The following CAGE1 variants were observed in gnomAD, a reference collection of about 807,000 sequenced individuals.
CAGE1 encodes cancer-associated gene 1 protein.
CAGE1 carries 66 observed loss-of-function variants against 94.9 expected under a neutral mutation model. The ratio of observed to expected loss-of-function variants is 0.70; its 90% CI spans 0.57 to 0.85. The LOEUF is 0.85. Ranked by LOEUF, CAGE1 falls within the 40% of genes least tolerant of loss-of-function variation. The pLI is 0.00. For synonymous variants in CAGE1, 319 were observed against 321.0 expected (o/e 0.99, Z 0.07); for missense variants, 865 against 950.4 (o/e 0.91, Z 1.18).
rs1759105977 is a variant in CAGE1 at position 7,339,981 on chromosome 6, TA to T, written c.2370-5892del. On this transcript the variant is annotated intron_variant, in intron 11 of 13. Coordinates refer to ENST00000502583, the MANE Select transcript of CAGE1 (RefSeq NM_001170692.2). This position sits in a 1 kb window ranked among gnomAD's most constrained non-coding sequence, Gnocchi z 4.7. ...AATGGTAGTTCTACTTTTAGTTCTT[TA>T]AAGACTTTCCACACTGTTTTCCACA... 6.6e-6 allele frequency among the ~76,000 whole-genome samples: 1 copy of T among 152,258 alleles called. No individual in the cohort carries two copies. The highest frequency in any genetic ancestry group is 2.1e-4 in the South Asian group (1 of 4,834).
Position 7,373,321 on chromosome 6 carries a change from C to T in CAGE1, c.1498G>A (p.Glu500Lys). ...CTAGATTTCAGTTTCTGTCTTTCTTCCAGGTTTTCCTTTTCAAGTTTCTGG... is the reference window on the plus strand; with the variant it reads ...CTAGATTTCAGTTTCTGTCTTTCTTTCAGGTTTTCCTTTTCAAGTTTCTGG... ...EFQKLEKENL[E>K]ERQKLKSRLE... Residue 500 changes from glutamate to lysine, a missense_variant, in exon 5 of 14, where the codon GAA becomes AAA. By Grantham distance (56) the Glu-to-Lys change is moderately conservative. Transcript: ENST00000502583. The T allele has an allele frequency of 6.2e-7, 1 of 1,609,410 alleles. No individual in the cohort carries two copies. The highest frequency in any genetic ancestry group is 1.1e-5 in the South Asian group (1 of 90,044).
At chr6:7,384,926 G>A (rs991102223) in intron 3 of CAGE1, among the ~76,000 whole-genome samples, 1 of 152,102 alleles carries the variant, frequency 6.6e-6, no homozygotes, top group Admixed American at 6.5e-5. Context: ...TCAAACTAGT[G>A]GACTCAAGCA....
chr6:7,331,192 A>C, intron 12 of CAGE1: 1 of 310,522 alleles, frequency 3.2e-6, no homozygotes, highest in Admixed American at 4.1e-5. Flanking sequence ...GTACATTTCC[A>C]TGACACCAAC....
intron 4 of CAGE1, among the ~76,000 whole-genome samples, chr6:7,376,214 CCT>C (rs1760737321): frequency 1.3e-5 from 2 of 151,644 alleles, no homozygotes; most frequent in Non-Finnish European, 2.9e-5. Flanking sequence ...ACTGTGAAAC[CCT>C]GTCTCTACTA....
At chr6:7,329,735 G>A (rs1389816306) in intron 13 of CAGE1, 114 bp downstream of exon 13, 5 of 587,494 alleles carry the variant, frequency 8.5e-6, no homozygotes, top group Non-Finnish European at 1.6e-5. Flanking sequence ...CAGAGGGGAA[G>A]GCTAGGTTGC....
chr6:7,341,706 A>G (rs1438917409), intron 11 of CAGE1: 4 of 706,170 alleles, frequency 5.7e-6, no homozygotes, highest in South Asian at 1.4e-5. Flanking sequence ...AGTCAAAGCC[A>G]CTATAGAAGG....
intron 4 of CAGE1, among the ~76,000 whole-genome samples, chr6:7,374,694 T>C (rs762742001): frequency 2.0e-5 from 3 of 152,182 alleles, no homozygotes; most frequent in Non-Finnish European, 4.4e-5. Context: ...ACATGCCTCA[T>C]GATTGACTTT....
chr6:7,334,025 G>A lies in CAGE1; in HGVS notation c.2435C>T (p.Pro812Leu), dbSNP rs199899916. The change falls in exon 12 of 14, where the codon CCA becomes CTA. Residue 812 changes from proline (P) to leucine (L), a missense_variant. Coordinates refer to ENST00000502583, the MANE Select transcript of CAGE1 (RefSeq NM_001170692.2). ...IRKPREKARK[P>L]RSKSLENHPK... ...TTAAAAATAAAGGGAAACTTACCTT[G>A]GTTTTCTGGCTTTTTCTCTGGGCTT... 2.6e-6 allele frequency: 4 copies of A among 1,518,974 alleles called. No individual in the cohort carries two copies. In the African/African-American group the frequency reaches 5.5e-5, roughly 21 times the overall value. The allele number at this position is 1,518,974 out of a possible 1,614,324, so 94.1% of individuals were successfully genotyped here.
At chr6:7,333,638 C>CTATATATATATATA (rs1257307194) in intron 12 of CAGE1, among the ~76,000 whole-genome samples, 6 of 32,686 alleles carry the variant, frequency 1.8e-4, no homozygotes, top group Non-Finnish European at 3.0e-4. Context: ...ATCTATCTAA[C>CTATATATATATATA]TATCTATATA....
intron 11 of CAGE1, among the ~76,000 whole-genome samples, chr6:7,345,128 C>T (rs978589524): frequency 7.2e-5 from 3 of 41,566 alleles, no homozygotes; most frequent in Admixed American, 2.7e-4. Flanking sequence ...TCTTTAGATC[C>T]ATATTGCTTT....
chr6:7,343,922 C>T (rs1185412506), intron 11 of CAGE1, among the ~76,000 whole-genome samples: 1 of 152,074 alleles, frequency 6.6e-6, no homozygotes, highest in Non-Finnish European at 1.5e-5. Flanking sequence ...CTCCTTCCTA[C>T]AAAGGAAGAA....
At position 7,389,191 on chromosome 6, in the gene CAGE1, A is replaced by T. The variant is rs1225546907; in HGVS notation, c.-24+11T>A. On this transcript the variant is annotated intron_variant, in intron 1 of 13. Transcript: ENST00000502583. ...GTTTAAAAGCTTTTTCAGTTGTAAG[A>T]CAAACTTTACCTTTTTAAAAAGCAC... 9 of 447,996 alleles carry T rather than the reference A, an allele frequency of 2.0e-5. No individual in the cohort carries two copies. Among genetic ancestry groups the T allele is most frequent in the Non-Finnish European group, 4.0e-5 (9 of 222,456 alleles). The allele number at this position is 447,996 out of a possible 1,614,324, so 27.8% of individuals were successfully genotyped here.
chr6:7,342,311 G>A (rs927501020), intron 11 of CAGE1, among the ~76,000 whole-genome samples: 1 of 152,242 alleles, frequency 6.6e-6, no homozygotes, highest in Non-Finnish European at 1.5e-5. Context: ...AGGGCTTCAT[G>A]CTCACGGATG....
At chr6:7,353,696 TACACACACAC>T (rs59990182) in intron 11 of CAGE1, among the ~76,000 whole-genome samples, 3,527 of 139,574 alleles carry the variant, frequency 0.025, 83 homozygotes, top group African/African-American at 0.063. Context: ...TATATATATG[TACACACACAC>T]ACACACACAC....
At chr6:7,356,395 C>T (rs567671556) in intron 9 of CAGE1, among the ~76,000 whole-genome samples, 3 of 152,288 alleles carry the variant, frequency 2.0e-5, no homozygotes, top group Admixed American at 1.3e-4. Flanking sequence ...CCTATTGGTA[C>T]ATACAAATAT....
In CAGE1 at chr6:7,358,027, GATATATATATATATATATATATATATAT is replaced by G. The variant is rs55850429; in HGVS notation, c.2194-1926_2194-1899del. Among the ~76,000 whole-genome samples, 44 of 48,084 alleles carry G rather than the reference GATATATATATATATATATATATATATAT, an allele frequency of 9.2e-4. 4 individuals carry two copies. The East Asian group carries it at 0.015, about 17-fold the overall frequency. The allele number at this position is 48,084 out of a possible 152,430, so 31.5% of individuals were successfully genotyped here. On this transcript the variant is annotated intron_variant, in intron 9 of 13. Transcript: ENST00000502583. The stretch of plus-strand genomic sequence containing the variant: ...CAGACTGCGGTTAGGTAAGTTTTGA[GATATATATATATATATATATATATATAT>G]ATATATATATATATATGCCTCCAAA...
chr6:7,380,081 A>G (rs1156586069), intron 3 of CAGE1, among the ~76,000 whole-genome samples: 7 of 152,346 alleles, frequency 4.6e-5, no homozygotes, highest in African/African-American at 1.4e-4. Flanking sequence ...CTATTCCACA[A>G]TGATTTTCAT....
At chr6:7,364,881 G>T (rs1301392677) in intron 9 of CAGE1, among the ~76,000 whole-genome samples, 1 of 152,142 alleles carries the variant, frequency 6.6e-6, no homozygotes, top group Non-Finnish European at 1.5e-5. Flanking sequence ...AGTATAGAAT[G>T]CTGCTTTTTA....
At chr6:7,374,999 A>G (rs1327811290) in intron 4 of CAGE1, among the ~76,000 whole-genome samples, 1 of 152,188 alleles carries the variant, frequency 6.6e-6, no homozygotes, top group East Asian at 1.9e-4. Context: ...ACACTACTGC[A>G]CTCCAGCCTG....
Sources: gnomAD v4.1 joint callset for allele counts (sites outside exome capture counted in the v4.1 genomes callset) on GRCh38, gnomAD v4.1.1 for gene constraint, Gnocchi (gnomAD v3.1) non-coding constraint, MANE v1.5 for transcripts, NCBI Gene and HGNC (gene_info 2026-07-23, HGNC 2026-07-21) for gene names.